RIPOR2: variants seen among roughly 807,000 people sequenced by gnomAD.
The protein encoded by RIPOR2 is RHO family interacting cell polarization regulator 2, also known as rho family-interacting cell polarization regulator 2.
RIPOR2 carries 39 observed loss-of-function variants against 114.5 expected under a neutral mutation model. The observed-to-expected ratio is 0.34, with a 90% CI of 0.26 to 0.44. The LOEUF is 0.44. Ranked by LOEUF, RIPOR2 falls within the 20% of genes least tolerant of loss-of-function variation. The pLI is 1.00. For synonymous variants in RIPOR2, 445 were observed against 484.4 expected (o/e 0.92, Z 1.07); for missense variants, 1,007 against 1,255.1 (o/e 0.80, Z 2.99).
intron 1 of RIPOR2, chr6:24,877,299 A>G (rs1037654872): frequency 2.9e-5 from 29 of 985,278 alleles, no homozygotes; most frequent in Admixed American, 6.1e-5. Flanking sequence ...AGGTTTTTAA[A>G]TCCCCTCCCT....
chr6:24,852,524 C>T, intron 9 of RIPOR2, 51 bp downstream of exon 9: 1 of 1,369,104 alleles, frequency 7.3e-7, no homozygotes, highest in Non-Finnish European at 1.0e-6. Context: ...GACAACTGGC[C>T]CCTACCCTTC....
At chr6:24,959,398 G>T (rs1157147222) in intron 1 of RIPOR2, among the ~76,000 whole-genome samples, 1 of 151,948 alleles carries the variant, frequency 6.6e-6, no homozygotes, top group Non-Finnish European at 1.5e-5. Context: ...ACAGGTCCTA[G>T]GAGGATCCAC....
At chr6:24,874,652 A>C (rs1025367417) in intron 2 of RIPOR2, among the ~76,000 whole-genome samples, 1 of 152,236 alleles carries the variant, frequency 6.6e-6, no homozygotes, top group East Asian at 1.9e-4. Context: ...AAAGAGTTCC[A>C]GGTGGACATA....
chr6:24,998,270 C>G (rs184008918), intron 1 of RIPOR2, among the ~76,000 whole-genome samples: 56 of 152,230 alleles, frequency 3.7e-4, no homozygotes, highest in Middle Eastern at 6.8e-3. Context: ...CTTTGAGAAT[C>G]TCAACAAAAT....
chr6:24,873,948 A>C (rs1190122403), intron 2 of RIPOR2, 149 bp from the exon 3 acceptor site: 8 of 679,452 alleles, frequency 1.2e-5, no homozygotes, highest in African/African-American at 3.6e-5. Flanking sequence ...ATCATAGCTC[A>C]CTGCAGCCTT....
intron 1 of RIPOR2, among the ~76,000 whole-genome samples, chr6:24,962,363 A>G (rs1773345557): frequency 6.6e-6 from 1 of 152,212 alleles, no homozygotes; most frequent in Non-Finnish European, 1.5e-5. Flanking sequence ...TCTTCCTGTG[A>G]CATAAATTAT....
intron 1 of RIPOR2, among the ~76,000 whole-genome samples, chr6:24,915,663 C>T (rs1386579913): frequency 6.6e-6 from 1 of 152,090 alleles, no homozygotes; most frequent in African/African-American, 2.4e-5. Context: ...GTGCCTGGCC[C>T]CCGTCTCTCT....
At chr6:24,979,121 T>C (rs1399528357) in intron 1 of RIPOR2, among the ~76,000 whole-genome samples, 1 of 152,154 alleles carries the variant, frequency 6.6e-6, no homozygotes, top group African/African-American at 2.4e-5. Flanking sequence ...CCTTATGAGA[T>C]AATGAGAAAC....
chr6:24,976,284 T>C, intron 1 of RIPOR2: 1 of 662,438 alleles, frequency 1.5e-6, no homozygotes, highest in Non-Finnish European at 2.6e-6. Context: ...AGAACGTATA[T>C]ATGCCTTGAA....
chr6:24,955,016 A>G (rs1404285946), intron 1 of RIPOR2, among the ~76,000 whole-genome samples: 2 of 152,226 alleles, frequency 1.3e-5, no homozygotes, highest in African/African-American at 4.8e-5. Flanking sequence ...AGAACAGGTA[A>G]TGACATATAT....
At chr6:24,942,976 G>C (rs1772217549) in intron 1 of RIPOR2, among the ~76,000 whole-genome samples, 1 of 152,286 alleles carries the variant, frequency 6.6e-6, no homozygotes, top group East Asian at 1.9e-4. Context: ...TTTTAGACAT[G>C]AAGTCCTTGC....
intron 1 of RIPOR2, among the ~76,000 whole-genome samples, chr6:25,031,702 T>TATATAG (rs1776955836): frequency 3.6e-3 from 5 of 1,404 alleles, no homozygotes; most frequent in African/African-American, 7.6e-3. Context: ...GTGGTAGTTA[T>TATATAG]ATATATATAT....
intron 1 of RIPOR2, chr6:25,041,729 G>A (rs531249970): frequency 2.3e-4 from 139 of 614,676 alleles, no homozygotes; most frequent in Non-Finnish European, 3.6e-4. Context: ...GCACAGGAAA[G>A]TGGAAGAGAG....
chr6:24,851,213 G>A (rs901056710), intron 9 of RIPOR2, among the ~76,000 whole-genome samples: 3 of 152,096 alleles, frequency 2.0e-5, no homozygotes, highest in Non-Finnish European at 2.9e-5. Flanking sequence ...TTAAAGCACA[G>A]TAAGTTCTGC....
chr6:24,971,741 G>T (rs544242733), intron 1 of RIPOR2, among the ~76,000 whole-genome samples: 1 of 152,180 alleles, frequency 6.6e-6, no homozygotes, highest in African/African-American at 2.4e-5. Context: ...TCCCAACGCC[G>T]GCAGGCAGTG....
At chr6:24,946,316 C>T (rs539262153) in intron 1 of RIPOR2, among the ~76,000 whole-genome samples, 7 of 152,290 alleles carry the variant, frequency 4.6e-5, no homozygotes, top group African/African-American at 9.6e-5. Flanking sequence ...CTCAGGCCAT[C>T]CACCTGCCTC....
intron 1 of RIPOR2, among the ~76,000 whole-genome samples, chr6:25,038,996 T>C (rs1332611078): frequency 6.6e-6 from 1 of 152,226 alleles, no homozygotes; most frequent in East Asian, 1.9e-4. Context: ...TGGACAGTGG[T>C]GGCACATGTC....
At chr6:24,965,976 T>C (rs1025794150) in intron 1 of RIPOR2, among the ~76,000 whole-genome samples, 42 of 152,172 alleles carry the variant, frequency 2.8e-4, no homozygotes, top group African/African-American at 1.0e-3. Flanking sequence ...CACAACACAA[T>C]GAACTGAGGA....
At chr6:24,898,858 T>C (rs1768137384) in intron 1 of RIPOR2, among the ~76,000 whole-genome samples, 1 of 152,126 alleles carries the variant, frequency 6.6e-6, no homozygotes, top group African/African-American at 2.4e-5. Flanking sequence ...CAAAAACATA[T>C]TTACTTTCTC....
Sources: gnomAD v4.1 joint callset for allele counts (sites outside exome capture counted in the v4.1 genomes callset) on GRCh38, gnomAD v4.1.1 for gene constraint, MANE v1.5 for transcripts, NCBI Gene and HGNC (gene_info 2026-07-23, HGNC 2026-07-21) for gene names.